The following OSTC variants were observed in gnomAD, a reference collection of about 807,000 sequenced individuals.
The protein encoded by OSTC is oligosaccharyltransferase complex subunit OSTC.
In OSTC, 16 loss-of-function variants were observed where a neutral mutation model predicts 16.4. That is an observed-to-expected ratio of 0.98 (90% confidence interval 0.66 to 1.49). The LOEUF is 1.49. Ranked by LOEUF, OSTC falls within the 40% of genes most tolerant of loss-of-function variation. The probability of loss-of-function intolerance (pLI) is 0.00; values close to 1 mark genes in which losing one functional copy is unlikely to be tolerated. For synonymous variants in OSTC, 67 were observed against 68.5 expected (o/e 0.98, Z 0.11); for missense variants, 139 against 186.3 (o/e 0.75, Z 1.48).
intron 1 of OSTC, chr4:108,652,373 A>T (rs1026279659): frequency 6.6e-6 from 1 of 152,160 alleles, no homozygotes; most frequent in African/African-American, 2.4e-5. Flanking sequence ...TCTTTGCGAG[A>T]AGCCTCAGTT....
intron 3 of OSTC, among the ~76,000 whole-genome samples, chr4:108,661,702 A>G (rs1379134500): frequency 6.6e-6 from 1 of 152,090 alleles, no homozygotes; most frequent in South Asian, 2.1e-4. Flanking sequence ...GGTTCAAGCC[A>G]TTCTCCTGCC....
At chr4:108,655,295 G>A (rs1005061886) in intron 1 of OSTC, among the ~76,000 whole-genome samples, 3 of 152,048 alleles carry the variant, frequency 2.0e-5, no homozygotes, top group Non-Finnish European at 2.9e-5. Flanking sequence ...GTGAAATCCC[G>A]TCTCTACTAA....
chr4:108,661,533 A>G (rs1016100696), intron 3 of OSTC, among the ~76,000 whole-genome samples: 2 of 152,222 alleles, frequency 1.3e-5, no homozygotes, highest in African/African-American at 2.4e-5. Flanking sequence ...ATGAATCTTC[A>G]TTAGATTGTC....
intron 2 of OSTC, 94 bp from the exon 3 acceptor site, chr4:108,657,356 A>G (rs1726736640): frequency 9.0e-7 from 1 of 1,113,808 alleles, no homozygotes; most frequent in Non-Finnish European, 1.3e-6. Flanking sequence ...ATATAGCACA[A>G]AAATGTTTTG....
At chr4:108,653,309 T>C (rs1459894099) in intron 1 of OSTC, among the ~76,000 whole-genome samples, 2 of 152,006 alleles carry the variant, frequency 1.3e-5, no homozygotes, top group African/African-American at 4.8e-5. Flanking sequence ...CTAAAGGGAG[T>C]TGGAAGCATC....
chr4:108,664,304 T>G (rs1165222225), intron 3 of OSTC, among the ~76,000 whole-genome samples: 1 of 152,188 alleles, frequency 6.6e-6, no homozygotes, highest in Non-Finnish European at 1.5e-5. Context: ...TATTAAGAGA[T>G]AGAGTACAAA....
Position 108,657,534 on chromosome 4 carries a change from A to G in OSTC, c.318A>G (p.Arg106=). 1 of 1,613,682 alleles carries G rather than the reference A, an allele frequency of 6.2e-7. No homozygotes were observed. The highest frequency in any genetic ancestry group is 8.5e-7 in the Non-Finnish European group (1 of 1,179,656). Residue 106 remains arginine, a synonymous_variant, in exon 3 of 4, where the codon CGA becomes CGG. Transcript: ENST00000361564. ...GTTTAGGTTTCATAATCCTGGACCG[A>G]TCGAATGCACCAAATATCCCAAAAC... ...MGGLGFIILD[R]SNAPNIPKLN... is the part of the protein sequence containing the mutation.
chr4:108,667,484 C>T lies in OSTC; in HGVS notation c.*219C>T. 2.4e-6 allele frequency: 1 copy of T among 414,648 alleles called. No homozygotes were observed. The highest frequency in any genetic ancestry group is 4.3e-6 in the Non-Finnish European group (1 of 231,680). The allele number at this position is 414,648 out of a possible 1,614,324, so 25.7% of individuals were successfully genotyped here. On this transcript the variant is annotated 3_prime_UTR_variant, in exon 4 of 4. Transcript: ENST00000361564. ...TCACAGAATTTTTTTTCCTGCTGGCCTATTGCTATACCAATGATGTTGAGT... is the reference window on the plus strand; with the variant it reads ...TCACAGAATTTTTTTTCCTGCTGGCTTATTGCTATACCAATGATGTTGAGT...
chr4:108,667,707 C>G lies in OSTC; in HGVS notation c.*442C>G, dbSNP rs1375185075. ...CAGTTGATCAGCTTTACCTATGGTG[C>G]TTTGCCTTTAACTAGAGTGTGTGAT... On this transcript the variant is annotated 3_prime_UTR_variant, in exon 4 of 4. Transcript: ENST00000361564. 6.5e-6 allele frequency: 1 copy of G among 154,770 alleles called. No homozygotes were observed. The highest frequency in any genetic ancestry group is 1.4e-5 in the Non-Finnish European group (1 of 69,638). 9.6% of individuals were successfully genotyped at this position (154,770 alleles called of 1,614,324 possible). A position where few individuals can be genotyped will look rare whatever the true frequency, so the allele number is the denominator to read the frequency against.
chr4:108,664,775 G>A (rs1726952561), intron 3 of OSTC, among the ~76,000 whole-genome samples: 1 of 152,084 alleles, frequency 6.6e-6, no homozygotes, highest in South Asian at 2.1e-4. Flanking sequence ...TGTATTTTTA[G>A]TAGAGACGGG....
At position 108,666,780 on chromosome 4, in the gene OSTC, C is replaced by T. The variant is rs968020332; in HGVS notation, c.432-467C>T. Among the ~76,000 whole-genome samples the T allele has an allele frequency of 4.0e-5, 6 of 148,468 alleles. No homozygotes were observed. In the East Asian group the frequency reaches 6.0e-4, roughly 15 times the overall value. The stretch of plus-strand genomic sequence containing the variant: ...CAGCACTTTGGAAGGCCAAGGCAGG[C>T]GGATCACCTGAAGTCAGGAGTTCCA... On this transcript the variant is annotated intron_variant, in intron 3 of 3. Transcript: ENST00000361564.
At chr4:108,660,438 A>G (rs1726827190) in intron 3 of OSTC, among the ~76,000 whole-genome samples, 1 of 152,186 alleles carries the variant, frequency 6.6e-6, no homozygotes, top group Admixed American at 6.5e-5. Context: ...TTCCTGGAAT[A>G]TTTGCAGGCC....
chr4:108,665,952 A>G (rs1170886056), intron 3 of OSTC, among the ~76,000 whole-genome samples: 1 of 152,016 alleles, frequency 6.6e-6, no homozygotes, highest in African/African-American at 2.4e-5. Flanking sequence ...TTAAGGGTTT[A>G]TTGCCAAAGG....
rs181570271 is a variant in OSTC, at chr4:108,651,156, A to G, written c.139+362A>G. 13 of 219,160 alleles carry G rather than the reference A, an allele frequency of 5.9e-5. No homozygotes were observed. The East Asian group carries it at 1.5e-3, about 25-fold the overall frequency. 13.6% of individuals were successfully genotyped at this position (219,160 alleles called of 1,614,324 possible). A position where few individuals can be genotyped will look rare whatever the true frequency, so the allele number is the denominator to read the frequency against. ...GCCTAATTTGGCAAACTCCGTTTCC[A>G]TGGTTGGTTGTTTGATAAAGGTCCT... On this transcript the variant is annotated intron_variant, in intron 1 of 3. Transcript: ENST00000361564.
chr4:108,655,892 A>T (rs756054611), intron 2 of OSTC, among the ~76,000 whole-genome samples: 3 of 152,228 alleles, frequency 2.0e-5, no homozygotes, highest in African/African-American at 7.2e-5. Flanking sequence ...GTAGGGTGTC[A>T]GTTTAAACTA....
chr4:108,656,735 G>A (rs1726713403), intron 2 of OSTC, among the ~76,000 whole-genome samples: 1 of 152,042 alleles, frequency 6.6e-6, no homozygotes, highest in Non-Finnish European at 1.5e-5. Flanking sequence ...AAAACTTCAA[G>A]AAACACATCT....
At chr4:108,667,215 C>A in intron 3 of OSTC, 32 bp from the exon 4 acceptor site, 1 of 1,587,358 alleles carries the variant, frequency 6.3e-7, no homozygotes, top group South Asian at 1.1e-5. Flanking sequence ...CAATTCTTTT[C>A]ACTTTTTGTG....
intron 2 of OSTC, among the ~76,000 whole-genome samples, chr4:108,656,194 C>T (rs1306830537): frequency 2.0e-5 from 3 of 152,024 alleles, no homozygotes; most frequent in Non-Finnish European, 4.4e-5. Context: ...AGTGAAACCC[C>T]GTTCCAGTGT....
chr4:108,650,836 AC>A, intron 1 of OSTC, 42 bp downstream of exon 1: 1 of 1,612,600 alleles, frequency 6.2e-7, no homozygotes, highest in Non-Finnish European at 8.5e-7. Flanking sequence ...GGAGCGGAGA[AC>A]TGACCCGCCC....
Sources: allele counts gnomAD v4.1 joint callset (sites outside exome capture counted in the v4.1 genomes callset), GRCh38; gene constraint gnomAD v4.1.1; transcripts MANE v1.5; gene names NCBI Gene and HGNC (gene_info 2026-07-23, HGNC 2026-07-21).